ZNF829: variants seen among roughly 807,000 people sequenced by gnomAD.
ZNF829 encodes zinc finger protein 829.
ZNF829 carries 25 observed loss-of-function variants against 35.2 expected under a neutral mutation model. The observed-to-expected ratio is 0.71, with a 90% CI of 0.52 to 0.99. The LOEUF is 0.99. ZNF829 is among the 50% of genes least tolerant of loss of function. ZNF829 has a pLI of 0.00. For synonymous variants in ZNF829, 136 were observed against 163.2 expected (o/e 0.83, Z 1.27); for missense variants, 417 against 515.3 (o/e 0.81, Z 1.85).
rs757198442 is a variant in ZNF829 at position 36,892,433 on chromosome 19, T to G, written c.358A>C (p.Lys120Gln). ...ATTACTTGACTGAAATGTCTCTTCT[T>G]TAGAGATAATATTTTGGTCTCACAC... Reference protein sequence around the residue: ...SMCETKILSLKKRHFSQVIIT... With the variant: ...SMCETKILSLQKRHFSQVIIT... Residue 120 changes from lysine (K) to glutamine (Q), a missense_variant, in exon 6 of 6, where the codon AAG (lysine) becomes CAG (glutamine). By Grantham distance (53) the Lys-to-Gln change is moderately conservative. Transcript: ENST00000391711. The G allele has an allele frequency of 1.4e-5, 22 of 1,601,914 alleles. No homozygotes were observed. The South Asian group carries it at 2.1e-4, about 15-fold the overall frequency.
chr19:36,902,842 C>G (rs2073181804), intron 5 of ZNF829, among the ~76,000 whole-genome samples: 1 of 152,062 alleles, frequency 6.6e-6, no homozygotes, highest in South Asian at 2.1e-4. Flanking sequence ...TAGAGACCAA[C>G]CTGGGCAACA....
rs111837223 is a variant in ZNF829 at position 36,908,128 on chromosome 19, C to T, written c.224-104G>A. ...GGAGAGATGCCACTACAAGAAGGAC[C>T]GGAGAAAGATGGAGAAGATGAAGCT... is the stretch of plus-strand genomic sequence containing the variant. On this transcript the variant is annotated intron_variant, in intron 4 of 5. Coordinates refer to ENST00000391711, the MANE Select transcript of ZNF829 (RefSeq NM_001037232.4). The T allele has an allele frequency of 4.8e-4, 581 of 1,219,290 alleles. 1 individual carries two copies. Among genetic ancestry groups the T allele is most frequent in the Non-Finnish European group, 5.8e-4 (500 of 868,042 alleles). The allele number at this position is 1,219,290 out of a possible 1,614,324, so 75.5% of individuals were successfully genotyped here. A position where few individuals can be genotyped will look rare whatever the true frequency, so the allele number is the denominator to read the frequency against.
chr19:36,914,897 G>T, intron 3 of ZNF829, 68 bp downstream of exon 3: 1 of 1,453,760 alleles, frequency 6.9e-7, no homozygotes, highest in South Asian at 1.2e-5. Context: ...AAATTATAGG[G>T]ACCTATAATT....
At chr19:36,913,508 G>T (rs1247059316) in intron 3 of ZNF829, among the ~76,000 whole-genome samples, 1 of 152,036 alleles carries the variant, frequency 6.6e-6, no homozygotes, top group Admixed American at 6.6e-5. Flanking sequence ...CTCTGTAATT[G>T]CCTGCCATGC....
At chr19:36,914,261 TATC>T (rs1377776519) in intron 3 of ZNF829, among the ~76,000 whole-genome samples, 1 of 152,126 alleles carries the variant, frequency 6.6e-6, no homozygotes, top group African/African-American at 2.4e-5. Context: ...AATTAGAACT[TATC>T]ATAAAATCAT....
intron 5 of ZNF829, chr19:36,901,837 C>A: frequency 1.4e-6 from 1 of 731,344 alleles, no homozygotes; most frequent in Non-Finnish European, 2.5e-6. Context: ...TGCACAAGCG[C>A]ATCCATGGAG....
At position 36,891,573 on chromosome 19, in the gene ZNF829, T is replaced by G. The variant is rs1568366282; in HGVS notation, c.1218A>C (p.Lys406Asn). The change falls in exon 6 of 6, where the codon AAA becomes AAC. Residue 406 changes from lysine to asparagine, a missense_variant. Physicochemically the swap from Lys to Asn is moderately conservative, Grantham distance 94. Transcript: ENST00000391711. ...TTCCACATTCCTTACAGTCATAGGGTTTCTCACCAGTGTGAATTCTCTGAT... is the reference window on the plus strand; with the variant it reads ...TTCCACATTCCTTACAGTCATAGGGGTTCTCACCAGTGTGAATTCTCTGAT... ...TRHQRIHTGE[K>N]PYDCKECGKA... The G allele has an allele frequency of 1.9e-6, 3 of 1,613,010 alleles. No homozygotes were observed. Among genetic ancestry groups the G allele is most frequent in the Admixed American group, 3.3e-5 (2 of 59,856 alleles).
In ZNF829 at chr19:36,893,395, A is replaced by G. The variant is rs190379461; in HGVS notation, c.320-924T>C. ...GTGGCTCAAGTTTGAGACACAAGAG[A>G]GTTAAGATAGGATGAAATGTACTCT... On this transcript the variant is annotated intron_variant, in intron 5 of 5. Coordinates refer to ENST00000391711, the MANE Select transcript of ZNF829 (RefSeq NM_001037232.4). Among the ~76,000 whole-genome samples, 334 of 152,270 alleles carry G rather than the reference A, an allele frequency of 2.2e-3. 1 individual carries two copies. Among genetic ancestry groups the G allele is most frequent in the African/African-American group, 7.7e-3 (321 of 41,536 alleles).
At chr19:36,901,892 A>G in intron 5 of ZNF829, 1 of 762,314 alleles carries the variant, frequency 1.3e-6, no homozygotes, top group Non-Finnish European at 2.4e-6. Flanking sequence ...AGAGATTCAG[A>G]AATTTGCCAT....
In ZNF829 at chr19:36,904,646, C is replaced by T. The variant is rs577626194; in HGVS notation, c.319+3283G>A. Among the ~76,000 whole-genome samples, 12 of 152,214 alleles carry T rather than the reference C, an allele frequency of 7.9e-5. 2 individuals carry two copies. Among genetic ancestry groups the T allele is most frequent in the South Asian group, 4.1e-4 (2 of 4,820 alleles). ...AACTCCTGACCTCAAGTGATCTGCCCGCCTCGGCCTCCCAGGTGCTGGGTT... is the reference window on the plus strand; with the variant it reads ...AACTCCTGACCTCAAGTGATCTGCCTGCCTCGGCCTCCCAGGTGCTGGGTT... On this transcript the variant is annotated intron_variant, in intron 5 of 5. Transcript: ENST00000391711.
intron 5 of ZNF829, among the ~76,000 whole-genome samples, chr19:36,896,076 C>G (rs2073109766): frequency 6.6e-6 from 1 of 152,090 alleles, no homozygotes; most frequent in East Asian, 1.9e-4. Flanking sequence ...CTTTGGGAGG[C>G]TGAGGCAGGC....
At chr19:36,906,694 C>T (rs2073218169) in intron 5 of ZNF829, 1 of 152,132 alleles carries the variant, frequency 6.6e-6, no homozygotes, top group African/African-American at 2.4e-5. Flanking sequence ...ACGTTCACAG[C>T]AGCATTATGT....
intron 5 of ZNF829, among the ~76,000 whole-genome samples, chr19:36,900,517 G>C (rs2073156169): frequency 6.6e-6 from 1 of 151,622 alleles, no homozygotes; most frequent in African/African-American, 2.4e-5. Flanking sequence ...TACCTACTAT[G>C]TACCCAAAAA....
At chr19:36,895,371 G>A (rs1403101464) in intron 5 of ZNF829, among the ~76,000 whole-genome samples, 9 of 151,962 alleles carry the variant, frequency 5.9e-5, no homozygotes, top group African/African-American at 2.2e-4. Flanking sequence ...GAAGCTCACT[G>A]GTAGAGCAGA....
intron 3 of ZNF829, among the ~76,000 whole-genome samples, chr19:36,908,720 G>A (rs889459212): frequency 2.0e-5 from 3 of 152,172 alleles, no homozygotes; most frequent in African/African-American, 7.2e-5. Flanking sequence ...AATGGGAGGG[G>A]CTTTCAAACA....
rs1056633707 is a variant in ZNF829 at position 36,915,887 on chromosome 19, C to T, written c.-85+124G>A. On this transcript the variant is annotated intron_variant, in intron 1 of 5. Coordinates refer to ENST00000391711, the MANE Select transcript of ZNF829 (RefSeq NM_001037232.4). Reference sequence around the variant, plus strand: ...ACCTCCACCTTTCAGGCCGCTCCGCCCGCAGGGGCCCAAGGCGCCAGCTCC... The same window carrying T: ...ACCTCCACCTTTCAGGCCGCTCCGCTCGCAGGGGCCCAAGGCGCCAGCTCC... 15 of 1,536,112 alleles carry T rather than the reference C, an allele frequency of 9.8e-6. No individual in the cohort carries two copies. In the African/African-American group the frequency reaches 1.6e-4, roughly 17 times the overall value.
chr19:36,900,847 GA>G (rs59848712), intron 5 of ZNF829, among the ~76,000 whole-genome samples: 228 of 88,970 alleles, frequency 2.6e-3, no homozygotes, highest in Middle Eastern at 6.5e-3. Flanking sequence ...GACTGTCTCA[GA>G]AAAAAAAAAA....
chr19:36,913,249 A>G (rs1458065264), intron 3 of ZNF829, among the ~76,000 whole-genome samples: 2 of 152,226 alleles, frequency 1.3e-5, no homozygotes, highest in African/African-American at 2.4e-5. Context: ...TTTTCTCTGC[A>G]TCTGTACCAA....
Position 36,888,396 on chromosome 19 carries a change from T to C in ZNF829, c.*3096A>G, listed in dbSNP as rs2073017852. 6.6e-6 allele frequency: 1 copy of C among 152,184 alleles called. No individual in the cohort carries two copies. The highest frequency in any genetic ancestry group is 1.5e-5 in the Non-Finnish European group (1 of 68,034). The allele number at this position is 152,184 out of a possible 1,614,324, so 9.4% of individuals were successfully genotyped here. On this transcript the variant is annotated 3_prime_UTR_variant, in exon 6 of 6. Transcript: ENST00000391711. ...TCTCCTTGCCCTGATGATATCTGTCTCTACAATATCCAGTACTCCCACGTC... is the reference window on the plus strand; with the variant it reads ...TCTCCTTGCCCTGATGATATCTGTCCCTACAATATCCAGTACTCCCACGTC...
Sources: gnomAD v4.1 joint callset for allele counts (sites outside exome capture counted in the v4.1 genomes callset) on GRCh38, gnomAD v4.1.1 for gene constraint, MANE v1.5 for transcripts, NCBI Gene and HGNC (gene_info 2026-07-23, HGNC 2026-07-21) for gene names.